Variants in ABI2 observed in about 807,000 individuals in gnomAD.
ABI2 encodes abelson interactor 2.
A neutral mutation model predicts 59.2 loss-of-function variants in ABI2; 25 were observed. The observed-to-expected ratio is 0.42, with a 90% confidence interval of 0.31 to 0.59. The LOEUF is 0.59. Ranked by LOEUF, ABI2 falls within the 20% of genes least tolerant of loss-of-function variation. The pLI is 0.14. For synonymous variants in ABI2, 213 were observed against 235.5 expected, an observed-to-expected ratio of 0.90 and a Z score of 0.87; for missense variants, 545 against 681.8, an observed-to-expected ratio of 0.80 and a Z score of 2.23.
At position 203,368,166 on chromosome 2, in the gene ABI2, G is replaced by C. The variant is rs574653157; in HGVS notation, c.285+1122G>C. ...TCTCAGTGGCTGCATAATGTTGCGT[G>C]TATATGTTGTACCTTTCATAATCAT... is the stretch of plus-strand genomic sequence containing the variant. On this transcript the variant is annotated intron_variant, in intron 2 of 11. Coordinates refer to ENST00000261018, the MANE Select transcript of ABI2 (RefSeq NM_001375670.1). Among the ~76,000 whole-genome samples, 3 of 152,202 alleles carry C rather than the reference G, an allele frequency of 2.0e-5. No individual in the cohort carries two copies. The East Asian group carries it at 5.8e-4, about 29-fold the overall frequency.
chr2:203,430,788 T>C lies in ABI2; in HGVS notation c.*3436T>C, dbSNP rs905127694. 2.6e-5 allele frequency: 4 copies of C among 152,184 alleles called. No homozygotes were observed. Among genetic ancestry groups the C allele is most frequent in the African/African-American group, 9.7e-5 (4 of 41,430 alleles). 9.4% of individuals were successfully genotyped at this position (152,184 alleles called of 1,614,324 possible). A position where few individuals can be genotyped will look rare whatever the true frequency, so the allele number is the denominator to read the frequency against. ...TGTTTATTATCCAGCTAGACAATAT[T>C]TTATGCATATTTACCGTGATGTCTG... On this transcript the variant is annotated 3_prime_UTR_variant, in exon 12 of 12. Coordinates refer to ENST00000261018, the MANE Select transcript of ABI2 (RefSeq NM_001375670.1).
intron 2 of ABI2, among the ~76,000 whole-genome samples, chr2:203,375,234 T>A (rs573240545): frequency 7.2e-5 from 11 of 152,360 alleles, no homozygotes; most frequent in Non-Finnish European, 1.3e-4. Context: ...TGCAGTGATA[T>A]ATCTTGGTGT....
At chr2:203,415,478 G>T (rs2097852988) in intron 10 of ABI2, among the ~76,000 whole-genome samples, 1 of 152,002 alleles carries the variant, frequency 6.6e-6, no homozygotes, top group Non-Finnish European at 1.5e-5. Flanking sequence ...TTAGCTGGGT[G>T]TGGTGGCGGG....
At chr2:203,343,114 A>C (rs765784466) in intron 1 of ABI2, among the ~76,000 whole-genome samples, 1 of 152,204 alleles carries the variant, frequency 6.6e-6, no homozygotes, top group Non-Finnish European at 1.5e-5. Context: ...ACTAAAAGCA[A>C]GCACCTGGGG....
intron 4 of ABI2, among the ~76,000 whole-genome samples, chr2:203,385,383 G>A (rs529340598): frequency 6.6e-6 from 1 of 151,668 alleles, no homozygotes; most frequent in Non-Finnish European, 1.5e-5. Flanking sequence ...TGCCCGCCTC[G>A]GCCTCCCAAA....
chr2:203,351,457 C>G (rs2088322849), intron 1 of ABI2: 2 of 384,972 alleles, frequency 5.2e-6, no homozygotes, highest in East Asian at 7.7e-5. Context: ...TTTTCTGATC[C>G]ATGAACATGG....
intron 2 of ABI2, among the ~76,000 whole-genome samples, chr2:203,379,860 C>T (rs903720703): frequency 6.6e-6 from 1 of 152,068 alleles, no homozygotes; most frequent in Non-Finnish European, 1.5e-5. Flanking sequence ...TGGCTGTATT[C>T]CAATAAAACT....
intron 1 of ABI2, among the ~76,000 whole-genome samples, chr2:203,338,093 C>T (rs13423002): frequency 6.6e-6 from 1 of 152,296 alleles, no homozygotes; most frequent in East Asian, 1.9e-4. Flanking sequence ...ACTAATGGAA[C>T]AGAATGGAGC....
chr2:203,352,269 GATA>G (rs2152763617), intron 1 of ABI2, among the ~76,000 whole-genome samples: 1 of 152,174 alleles, frequency 6.6e-6, no homozygotes, highest in African/African-American at 2.4e-5. Flanking sequence ...AGGTTACAGT[GATA>G]ATAATAAAGA....
rs766821803 is a variant in ABI2, at chr2:203,402,697, T to A, written c.1155T>A (p.Asn385Lys). 1.9e-6 allele frequency: 3 copies of A among 1,606,306 alleles called. No individual in the cohort carries two copies. Among genetic ancestry groups the A allele is most frequent in the Non-Finnish European group, 1.7e-6 (2 of 1,177,486 alleles). ...TTACTTCACAAACAAGCCTTCAGAA[T>A]CAGATGAATGGAGGACCTTTTTATA... is the stretch of plus-strand genomic sequence containing the variant. Reference protein sequence around the residue: ...PSITSQTSLQNQMNGGPFYSQ... With the variant: ...PSITSQTSLQKQMNGGPFYSQ... The change falls in exon 9 of 12, where the codon AAT becomes AAA. Residue 385 changes from asparagine (N) to lysine (K), a missense_variant. This residue lies in a region of ABI2 where 410 missense variants were observed against 435.6 expected (regional missense o/e 0.94). Transcript: ENST00000261018.
At chr2:203,370,480 T>G (rs2095057692) in intron 2 of ABI2, among the ~76,000 whole-genome samples, 1 of 152,188 alleles carries the variant, frequency 6.6e-6, no homozygotes, top group Non-Finnish European at 1.5e-5. Context: ...GTGTGTATTT[T>G]TAAACAATGA....
intron 4 of ABI2, among the ~76,000 whole-genome samples, chr2:203,388,727 T>C (rs995162508): frequency 6.6e-6 from 1 of 152,038 alleles, no homozygotes; most frequent in South Asian, 2.1e-4. Context: ...TTTTAATATA[T>C]AGATTGTTTA....
intron 5 of ABI2, among the ~76,000 whole-genome samples, 160 bp downstream of exon 5, chr2:203,391,303 T>G (rs2096733580): frequency 6.6e-6 from 1 of 152,204 alleles, no homozygotes; most frequent in African/African-American, 2.4e-5. Flanking sequence ...GGAAACACAT[T>G]TTTATACTTC....
chr2:203,378,394 A>G (rs1343277486), intron 2 of ABI2, among the ~76,000 whole-genome samples: 1 of 152,168 alleles, frequency 6.6e-6, no homozygotes, highest in Non-Finnish European at 1.5e-5. Flanking sequence ...TATAGGCGTG[A>G]GCCACCATGC....
At chr2:203,358,017 C>T (rs185775528) in intron 1 of ABI2, among the ~76,000 whole-genome samples, 17 of 151,974 alleles carry the variant, frequency 1.1e-4, no homozygotes, top group African/African-American at 3.9e-4. Context: ...ATCCATCCGC[C>T]TCAGCCTCCT....
chr2:203,376,667 CTAT>C, intron 2 of ABI2, among the ~76,000 whole-genome samples: 1 of 147,764 alleles, frequency 6.8e-6, no homozygotes, highest in East Asian at 2.0e-4. Flanking sequence ...TTTTTTTGCT[CTAT>C]TATAACAATG....
At chr2:203,345,618 A>G (rs1256498890) in intron 1 of ABI2, among the ~76,000 whole-genome samples, 4 of 152,032 alleles carry the variant, frequency 2.6e-5, no homozygotes, top group African/African-American at 4.8e-5. Flanking sequence ...CGTCTTGGCC[A>G]GTCTGGTCTC....
intron 1 of ABI2, chr2:203,351,532 G>GTTTTTT: frequency 6.2e-5 from 24 of 387,470 alleles, no homozygotes; most frequent in East Asian, 1.6e-4. Flanking sequence ...TCAGTGTTTA[G>GTTTTTT]TTTTTTTTTT....
chr2:203,361,664 T>G (rs2152918055), intron 1 of ABI2, among the ~76,000 whole-genome samples: 1 of 152,276 alleles, frequency 6.6e-6, no homozygotes, highest in Admixed American at 6.5e-5. Flanking sequence ...TAAAACCAGA[T>G]GAAGAATGAC....
Sources: gnomAD v4.1 joint callset for allele counts (sites outside exome capture counted in the v4.1 genomes callset) on GRCh38, gnomAD v4.1.1 for gene constraint, gnomAD v4.1.1 regional missense constraint, MANE v1.5 for transcripts, NCBI Gene and HGNC (gene_info 2026-07-23, HGNC 2026-07-21) for gene names.